Variants in CSMD3 observed in about 807,000 individuals in gnomAD.
CSMD3 encodes the protein CUB and sushi domain-containing protein 3.
In CSMD3, 177 loss-of-function variants were observed where a neutral mutation model predicts 435.2. The ratio of observed to expected loss-of-function variants is 0.41; its 90% CI spans 0.36 to 0.46. The LOEUF is 0.46. CSMD3 is among the 20% of genes least tolerant of loss of function. CSMD3 has a pLI of 0.34. For missense variants in CSMD3, 4,265 were observed against 4,504.6 expected (o/e 0.95, Z 1.52); for synonymous variants, 1,656 against 1,520.5 (o/e 1.09, Z -2.07).
chr8:112,278,012 A>C (rs1276533666), intron 59 of CSMD3, among the ~76,000 whole-genome samples: 3 of 152,164 alleles, frequency 2.0e-5, no homozygotes, highest in Non-Finnish European at 2.9e-5. Context: ...CCTTCTCTCA[A>C]ACCATTTCTG....
intron 3 of CSMD3, among the ~76,000 whole-genome samples, chr8:113,186,002 T>C (rs908101012): frequency 4.6e-5 from 7 of 152,040 alleles, no homozygotes; most frequent in African/African-American, 7.2e-5. Flanking sequence ...ACCATTCTTA[T>C]TGACATTATG....
intron 3 of CSMD3, among the ~76,000 whole-genome samples, chr8:113,176,903 A>C (rs2092354493): frequency 6.6e-6 from 1 of 151,988 alleles, no homozygotes; most frequent in East Asian, 1.9e-4. Context: ...ACTTAAAAAA[A>C]AAAATAAAGT....
intron 32 of CSMD3, among the ~76,000 whole-genome samples, chr8:112,427,372 G>C (rs556255138): frequency 6.6e-6 from 1 of 152,044 alleles, no homozygotes; most frequent in South Asian, 2.1e-4. Context: ...CCTCCATGCT[G>C]TTCTCATGAC....
chr8:112,895,733 AT>A (rs2081931972), intron 10 of CSMD3, among the ~76,000 whole-genome samples: 1 of 151,464 alleles, frequency 6.6e-6, no homozygotes, highest in Non-Finnish European at 1.5e-5. Flanking sequence ...AACAACTTAA[AT>A]TGAAGATGAT....
Position 112,690,595 on chromosome 8 carries a change from C to CAA in CSMD3, c.1973-546_1973-545insTT, listed in dbSNP as rs202187440. On this transcript the variant is annotated intron_variant, in intron 13 of 70. Coordinates refer to ENST00000297405, the MANE Select transcript of CSMD3 (RefSeq NM_198123.2). ...ATTATTTTCCCAACTAGACCCCCCC[C>CAA]CCCAACAAAAAAAAAATCTTCTCAA... is the stretch of plus-strand genomic sequence containing the variant. 1.3e-4 allele frequency among the ~76,000 whole-genome samples: 20 copies of CAA among 150,412 alleles called. No homozygotes were observed. The East Asian group carries it at 2.8e-3, about 21-fold the overall frequency.
At chr8:113,135,803 T>C (rs1159022269) in intron 4 of CSMD3, among the ~76,000 whole-genome samples, 2 of 151,802 alleles carry the variant, frequency 1.3e-5, no homozygotes, top group African/African-American at 4.8e-5. Flanking sequence ...TCCCCACAGG[T>C]CACTATTGGA....
intron 13 of CSMD3, among the ~76,000 whole-genome samples, chr8:112,792,041 T>G (rs114575867): frequency 6.6e-6 from 1 of 152,178 alleles, no homozygotes; most frequent in Non-Finnish European, 1.5e-5. Flanking sequence ...TCAACTCTTT[T>G]ACTGATTTTA....
chr8:112,578,287 G>T (rs975244515), intron 23 of CSMD3, among the ~76,000 whole-genome samples: 1 of 151,906 alleles, frequency 6.6e-6, no homozygotes, highest in Non-Finnish European at 1.5e-5. Context: ...TTTAGTGAAG[G>T]AGAAGGGGCA....
rs1241345179 is a variant in CSMD3, at chr8:112,678,883, CGTTT to C, written c.2677+3555_2677+3558del. 1.1e-4 allele frequency among the ~76,000 whole-genome samples: 17 copies of C among 151,958 alleles called. No homozygotes were observed. In the East Asian group the frequency reaches 3.3e-3, roughly 29 times the overall value. Reference sequence around the variant, plus strand: ...TCAGTGAAAATCTTAAGGATGTTAACGTTTGTTAACATTTGTAAATGTTGGAGGC... The same window carrying C: ...TCAGTGAAAATCTTAAGGATGTTAACGTTAACATTTGTAAATGTTGGAGGC... On this transcript the variant is annotated intron_variant, in intron 16 of 70. Coordinates refer to ENST00000297405, the MANE Select transcript of CSMD3 (RefSeq NM_198123.2).
At chr8:113,336,450 T>G (rs1029673676) in intron 1 of CSMD3, among the ~76,000 whole-genome samples, 1 of 152,138 alleles carries the variant, frequency 6.6e-6, no homozygotes, top group African/African-American at 2.4e-5. Flanking sequence ...GTTTTTTACT[T>G]AGTTTGATAT....
chr8:112,292,803 C>T (rs935640177), intron 54 of CSMD3, 93 bp from the exon 55 acceptor site: 1 of 1,110,976 alleles, frequency 9.0e-7, no homozygotes, highest in African/African-American at 1.6e-5. Context: ...TTAATCATTT[C>T]AAACAAAGTA....
At chr8:112,927,705 T>C (rs2082954364) in intron 9 of CSMD3, among the ~76,000 whole-genome samples, 1 of 152,132 alleles carries the variant, frequency 6.6e-6, no homozygotes, top group South Asian at 2.1e-4. Flanking sequence ...CAAAACATAA[T>C]GAATACCATG....
At chr8:112,554,212 G>A (rs1044398725) in intron 25 of CSMD3, among the ~76,000 whole-genome samples, 21 of 151,908 alleles carry the variant, frequency 1.4e-4, no homozygotes, top group Admixed American at 6.6e-5. Context: ...ACAAAAGAGA[G>A]AGACAGAGAC....
chr8:113,325,454 G>A (rs1010615230), intron 1 of CSMD3, among the ~76,000 whole-genome samples: 1 of 152,152 alleles, frequency 6.6e-6, no homozygotes, highest in African/African-American at 2.4e-5. Context: ...ATCCATGTAA[G>A]ATGTGACTTT....
chr8:112,800,725 A>G (rs376249502), intron 12 of CSMD3, among the ~76,000 whole-genome samples: 3 of 152,072 alleles, frequency 2.0e-5, no homozygotes, highest in East Asian at 3.9e-4. Context: ...AACCCTTTGC[A>G]ATACTGATGT....
chr8:113,126,704 C>A (rs531700867), intron 4 of CSMD3, among the ~76,000 whole-genome samples: 8 of 151,880 alleles, frequency 5.3e-5, no homozygotes, highest in African/African-American at 1.7e-4. Flanking sequence ...GTGGGCTATA[C>A]CACTCCTTTT....
At chr8:112,310,363 C>T (rs1179217228) in intron 50 of CSMD3, 1 of 153,250 alleles carries the variant, frequency 6.5e-6, no homozygotes, top group Non-Finnish European at 1.5e-5. Context: ...AAGTCTTAAT[C>T]AAAAACTCTA....
chr8:112,681,395 T>C (rs565585443), intron 16 of CSMD3, among the ~76,000 whole-genome samples: 98 of 152,184 alleles, frequency 6.4e-4, no homozygotes, highest in Admixed American at 1.2e-3. Context: ...TATTAGATAC[T>C]ATAGTGGAAG....
At chr8:113,407,554 A>G (rs1650755955) in intron 1 of CSMD3, among the ~76,000 whole-genome samples, 1 of 151,862 alleles carries the variant, frequency 6.6e-6, no homozygotes, top group South Asian at 2.1e-4. Context: ...ACATACATAC[A>G]CACACACATA....
Sources: gnomAD v4.1 joint callset for allele counts (sites outside exome capture counted in the v4.1 genomes callset) on GRCh38, gnomAD v4.1.1 for gene constraint, MANE v1.5 for transcripts, NCBI Gene and HGNC (gene_info 2026-07-23, HGNC 2026-07-21) for gene names.